Variants in NTRK3 observed in about 807,000 individuals in gnomAD.
The protein encoded by NTRK3 is NT-3 growth factor receptor.
A neutral mutation model predicts 91.7 loss-of-function variants in NTRK3; 24 were observed. The ratio of observed to expected loss-of-function variants is 0.26; its 90% confidence interval spans 0.19 to 0.37. The LOEUF is 0.37. NTRK3 is among the 10% of genes least tolerant of loss of function. The pLI is 1.00. For synonymous variants in NTRK3, 483 were observed against 404.0 expected (o/e 1.20, Z -2.34); for missense variants, 880 against 1,068.9 (o/e 0.82, Z 2.46).
chr15:88,056,792 G>C (rs2045734365), intron 13 of NTRK3, among the ~76,000 whole-genome samples: 1 of 152,198 alleles, frequency 6.6e-6, no homozygotes, highest in Non-Finnish European at 1.5e-5. Flanking sequence ...TGTTCTTCCT[G>C]GTTGGCTTAG....
intron 13 of NTRK3, among the ~76,000 whole-genome samples, chr15:88,045,780 C>T (rs941631990): frequency 6.6e-6 from 1 of 152,188 alleles, no homozygotes; most frequent in South Asian, 2.1e-4. Context: ...TCACTCTGAC[C>T]TCTGTCATCA....
At chr15:88,060,730 G>C (rs1346255029) in intron 13 of NTRK3, among the ~76,000 whole-genome samples, 5 of 152,254 alleles carry the variant, frequency 3.3e-5, no homozygotes, top group South Asian at 2.1e-4. Context: ...ACCATGGGTT[G>C]GGGTAGAAGT....
chr15:87,985,397 C>A (rs538418000), intron 14 of NTRK3, among the ~76,000 whole-genome samples: 28 of 152,208 alleles, frequency 1.8e-4, no homozygotes, highest in Non-Finnish European at 1.5e-5. Context: ...ATAACTGGAC[C>A]CAAAGTGTTC....
chr15:87,945,815 A>C (rs2349588), intron 14 of NTRK3, among the ~76,000 whole-genome samples: 1,021 of 85,936 alleles, frequency 0.012, 10 homozygotes, highest in African/African-American at 0.034. Flanking sequence ...AAAAAAAAAA[A>C]AAAAAAAAAA....
intron 13 of NTRK3, among the ~76,000 whole-genome samples, chr15:88,092,025 A>G (rs369539283): frequency 6.6e-6 from 1 of 152,218 alleles, no homozygotes; most frequent in East Asian, 1.9e-4. Flanking sequence ...CTCACAGTAG[A>G]TCACACATCA....
At chr15:88,132,772 G>T (rs1318547341) in intron 10 of NTRK3, among the ~76,000 whole-genome samples, 4 of 152,132 alleles carry the variant, frequency 2.6e-5, no homozygotes, top group Admixed American at 1.3e-4. Flanking sequence ...TTGTCACTTG[G>T]CATCGTTTCC....
At chr15:87,955,286 A>T (rs907389239) in intron 14 of NTRK3, among the ~76,000 whole-genome samples, 1 of 152,244 alleles carries the variant, frequency 6.6e-6, no homozygotes, top group African/African-American at 2.4e-5. Flanking sequence ...CACCTGAAGC[A>T]GGAATTTGTC....
chr15:88,092,463 C>T (rs1020116338), intron 13 of NTRK3, among the ~76,000 whole-genome samples: 10 of 152,200 alleles, frequency 6.6e-5, no homozygotes. Flanking sequence ...AGGTTGCATT[C>T]CCACCCCCTG....
Position 88,216,052 on chromosome 15 carries a change from C to T in NTRK3, c.249-31753G>A, listed in dbSNP as rs529465099. 3.3e-5 allele frequency among the ~76,000 whole-genome samples: 5 copies of T among 152,232 alleles called. No individual in the cohort carries two copies. The East Asian group carries it at 9.7e-4, about 29-fold the overall frequency. ...TCATTAGGTTGTCATAAGACTTGAA[C>T]AAAAAGATGTTCACAAAGCACCCAG... is the stretch of plus-strand genomic sequence containing the variant. On this transcript the variant is annotated intron_variant, in intron 3 of 18. Coordinates refer to ENST00000394480, the Ensembl canonical transcript of NTRK3.
chr15:88,092,928 C>A (rs2049161844), intron 13 of NTRK3, among the ~76,000 whole-genome samples: 1 of 152,152 alleles, frequency 6.6e-6, no homozygotes, highest in Non-Finnish European at 1.5e-5. Flanking sequence ...CCAGGATAAT[C>A]TCCCCAAATC....
At chr15:88,090,604 G>C (rs75289554) in intron 13 of NTRK3, among the ~76,000 whole-genome samples, 1 of 152,256 alleles carries the variant, frequency 6.6e-6, no homozygotes, top group South Asian at 2.1e-4. Flanking sequence ...GACAGCTGCT[G>C]TCTCTCCAGC....
intron 3 of NTRK3, among the ~76,000 whole-genome samples, chr15:88,236,310 GACAA>G (rs2051726600): frequency 1.3e-5 from 2 of 152,056 alleles, no homozygotes; most frequent in South Asian, 2.1e-4. Flanking sequence ...AAACATTTTT[GACAA>G]ACAGATATTA....
intron 3 of NTRK3, among the ~76,000 whole-genome samples, chr15:88,205,181 G>C (rs369979679): frequency 1.3e-5 from 2 of 152,158 alleles, no homozygotes; most frequent in East Asian, 1.9e-4. Flanking sequence ...GTGGGAAGAC[G>C]AGGGATCTGG....
At chr15:87,860,457 T>A in exon 19 of NTRK3, 1 of 216,332 alleles carries the variant, frequency 4.6e-6, no homozygotes, top group Non-Finnish European at 9.3e-6. Flanking sequence ...CTCTAACCTG[T>A]GGCCATCTTA....
chr15:88,032,058 T>C lies in NTRK3; in HGVS notation c.1585+799A>G, dbSNP rs998993995. On this transcript the variant is annotated intron_variant, in intron 14 of 18. Coordinates refer to ENST00000394480, the Ensembl canonical transcript of NTRK3. The stretch of plus-strand genomic sequence containing the variant: ...GTTCTCCAGGAGCTGCTGTGCTCTC[T>C]CTTGATGCAGTGGATCATTTCCTGG... Among the ~76,000 whole-genome samples the C allele has an allele frequency of 2.0e-5, 3 of 152,138 alleles. No individual in the cohort carries two copies. In the South Asian group the frequency reaches 6.2e-4, roughly 32 times the overall value.
At chr15:88,084,283 C>G (rs78702436) in intron 13 of NTRK3, among the ~76,000 whole-genome samples, 4,677 of 152,154 alleles carry the variant, frequency 0.031, 232 homozygotes, top group African/African-American at 0.1. Context: ...ATGGGAGACA[C>G]AGATGCTAAA....
At chr15:88,124,649 G>T (rs191343974) in intron 13 of NTRK3, among the ~76,000 whole-genome samples, 2 of 152,322 alleles carry the variant, frequency 1.3e-5, no homozygotes, top group African/African-American at 4.8e-5. Flanking sequence ...AGGAGCCCAA[G>T]AATTATCCAA....
intron 13 of NTRK3, among the ~76,000 whole-genome samples, chr15:88,039,662 C>T (rs988638163): frequency 1.3e-5 from 2 of 152,130 alleles, no homozygotes; most frequent in South Asian, 2.1e-4. Flanking sequence ...TCCCCAGTGC[C>T]GTAAAGAAAT....
chr15:88,005,450 G>A (rs2076418380), intron 14 of NTRK3, among the ~76,000 whole-genome samples: 2 of 152,142 alleles, frequency 1.3e-5, no homozygotes, highest in African/African-American at 2.4e-5. Context: ...TGCCCTTAAA[G>A]CCTAAAGTCT....
Sources: gnomAD v4.1 joint callset for allele counts (sites outside exome capture counted in the v4.1 genomes callset) on GRCh38, gnomAD v4.1.1 for gene constraint, MANE v1.5 for transcripts, NCBI Gene and HGNC (gene_info 2026-07-23, HGNC 2026-07-21) for gene names.